The following SPECC1 variants were observed in gnomAD, a reference collection of about 807,000 sequenced individuals.
SPECC1 encodes the protein cytospin-B.
In SPECC1, 62 loss-of-function variants were observed where a neutral mutation model predicts 104.1. The ratio of observed to expected loss-of-function variants is 0.60; its 90% CI spans 0.49 to 0.74. The LOEUF is 0.74. Among genes scored for constraint, SPECC1 ranks in the 30% least tolerant of loss-of-function variants. The pLI is 0.00. For missense variants in SPECC1, 1,306 were observed against 1,310.5 expected, an observed-to-expected ratio of 1.00 and a Z score of 0.05; for synonymous variants, 513 against 501.6, an observed-to-expected ratio of 1.02 and a Z score of -0.30.
chr17:20,060,157 G>A (rs374262322), intron 1 of SPECC1, among the ~76,000 whole-genome samples: 3 of 152,048 alleles, frequency 2.0e-5, no homozygotes, highest in African/African-American at 7.3e-5. Context: ...GGCCTCTGAA[G>A]AGTGCAGCTT....
chr17:20,279,475 A>T (rs1428318985), intron 12 of SPECC1, among the ~76,000 whole-genome samples: 1 of 151,868 alleles, frequency 6.6e-6, no homozygotes, highest in Non-Finnish European at 1.5e-5. Flanking sequence ...GGCATGCGCC[A>T]CCATGCCCGG....
At chr17:20,260,438 G>A in intron 12 of SPECC1, 144 bp downstream of exon 12, 1 of 688,672 alleles carries the variant, frequency 1.5e-6, no homozygotes, top group Non-Finnish European at 2.3e-6. Flanking sequence ...GGCTGCCAGG[G>A]AATGTTTGAT....
At chr17:20,100,613 CCTGA>C (rs1240799909) in intron 2 of SPECC1, among the ~76,000 whole-genome samples, 2 of 152,080 alleles carry the variant, frequency 1.3e-5, no homozygotes, top group Non-Finnish European at 1.5e-5. Flanking sequence ...GAACTGAATA[CCTGA>C]CTTTCTTTTT....
rs2045936212 is a variant in SPECC1, at chr17:20,055,688, A to T, written c.-21-40943A>T. On this transcript the variant is annotated intron_variant, in intron 1 of 14. Coordinates refer to ENST00000395527, the MANE Select transcript of SPECC1 (RefSeq NM_001243439.2). Reference sequence around the variant, plus strand: ...CTTCACTCTCTAGCCATTGTTTTTCACTAAAGGCAGTGAAGAGTCTTTGGG... The same window carrying T: ...CTTCACTCTCTAGCCATTGTTTTTCTCTAAAGGCAGTGAAGAGTCTTTGGG... Among the ~76,000 whole-genome samples the T allele has an allele frequency of 2.6e-5, 4 of 152,194 alleles. 1 individual carries two copies. The South Asian group carries it at 8.3e-4, about 31-fold the overall frequency.
At chr17:20,278,574 CACACCTGT>C (rs1164380017) in intron 12 of SPECC1, among the ~76,000 whole-genome samples, 1 of 152,188 alleles carries the variant, frequency 6.6e-6, no homozygotes, top group Non-Finnish European at 1.5e-5. Context: ...CACAGTAGCT[CACACCTGT>C]AATGTCAACA....
chr17:20,277,735 T>G (rs2040620733), intron 12 of SPECC1, among the ~76,000 whole-genome samples: 2 of 152,202 alleles, frequency 1.3e-5, no homozygotes, highest in Non-Finnish European at 2.9e-5. Flanking sequence ...GGTAGGGGAC[T>G]CCATATTCCC....
intron 7 of SPECC1, among the ~76,000 whole-genome samples, chr17:20,245,539 C>T (rs1699774547): frequency 6.6e-6 from 1 of 152,096 alleles, no homozygotes; most frequent in Non-Finnish European, 1.5e-5. Flanking sequence ...GGGGTTGGAG[C>T]ACATGTCGGC....
intron 12 of SPECC1, among the ~76,000 whole-genome samples, chr17:20,263,867 A>G (rs2040119306): frequency 6.6e-6 from 1 of 151,910 alleles, no homozygotes; most frequent in Non-Finnish European, 1.5e-5. Context: ...CAAGAACACT[A>G]TTTCCTGCTG....
At chr17:20,301,483 TAAAATC>T (rs2041582181) in intron 13 of SPECC1, among the ~76,000 whole-genome samples, 2 of 152,084 alleles carry the variant, frequency 1.3e-5, no homozygotes, top group South Asian at 2.1e-4. Flanking sequence ...GTAAAACTAT[TAAAATC>T]AAAATCTAAA....
intron 12 of SPECC1, among the ~76,000 whole-genome samples, chr17:20,278,721 T>C (rs555495706): frequency 5.5e-4 from 80 of 146,024 alleles, no homozygotes; most frequent in Admixed American, 1.6e-3. Context: ...CTCTCTCTCT[T>C]TTTTTTTTTA....
intron 1 of SPECC1, among the ~76,000 whole-genome samples, chr17:20,093,460 C>G (rs1339526874): frequency 6.6e-6 from 1 of 152,176 alleles, no homozygotes; most frequent in Non-Finnish European, 1.5e-5. Context: ...GAGCATTTAG[C>G]AGTGCTTTGC....
intron 1 of SPECC1, among the ~76,000 whole-genome samples, chr17:20,060,908 G>T (rs2048107336): frequency 6.6e-6 from 1 of 152,208 alleles, no homozygotes; most frequent in African/African-American, 2.4e-5. Flanking sequence ...AATATATTGT[G>T]TAAAAGCAGT....
At chr17:20,131,723 C>T (rs773432234) in intron 3 of SPECC1, among the ~76,000 whole-genome samples, 2 of 148,934 alleles carry the variant, frequency 1.3e-5, no homozygotes, top group African/African-American at 2.5e-5. Flanking sequence ...AATTTCGGCT[C>T]ACTGCAACCT....
At chr17:20,313,039 C>G (rs1567627991) in intron 14 of SPECC1, among the ~76,000 whole-genome samples, 2 of 152,152 alleles carry the variant, frequency 1.3e-5, no homozygotes, top group Admixed American at 6.5e-5. Flanking sequence ...AATTCAATCC[C>G]AAAGTTAATT....
chr17:20,119,080 G>A (rs1030790982), intron 3 of SPECC1, among the ~76,000 whole-genome samples: 2 of 152,188 alleles, frequency 1.3e-5, no homozygotes, highest in African/African-American at 4.8e-5. Context: ...AAAAAGGTCT[G>A]TGAATAATTT....
chr17:20,088,260 A>G (rs897799026), intron 1 of SPECC1, among the ~76,000 whole-genome samples: 1 of 152,176 alleles, frequency 6.6e-6, no homozygotes, highest in South Asian at 2.1e-4. Context: ...ATTTTAGTGA[A>G]AAAAAGTCAC....
intron 2 of SPECC1, among the ~76,000 whole-genome samples, chr17:20,101,620 A>G (rs1040917736): frequency 3.3e-5 from 5 of 152,184 alleles, no homozygotes; most frequent in Admixed American, 1.3e-4. Context: ...GCCCAGAAAG[A>G]AGAGAACCTG....
In SPECC1 at chr17:20,105,487, A is replaced by G. The variant is rs566637995; in HGVS notation, c.148-4940A>G. On this transcript the variant is annotated intron_variant, in intron 2 of 14. Transcript: ENST00000395527. Reference sequence around the variant, plus strand: ...CCTGTGTGATTGCAGGGAACCTCCTATATAGAGATCCCAGATCCCAAGTCT... The same window carrying G: ...CCTGTGTGATTGCAGGGAACCTCCTGTATAGAGATCCCAGATCCCAAGTCT... Among the ~76,000 whole-genome samples, 41 of 152,192 alleles carry G rather than the reference A, an allele frequency of 2.7e-4. No individual in the cohort carries two copies. In the South Asian group the frequency reaches 8.3e-3, roughly 31 times the overall value.
At chr17:20,112,619 G>GGA in intron 3 of SPECC1, 2 of 877,558 alleles carry the variant, frequency 2.3e-6, no homozygotes, top group Non-Finnish European at 3.9e-6. Flanking sequence ...TGATCTCTCT[G>GGA]GATCAGTGCT....
Sources: gnomAD v4.1 joint callset for allele counts (sites outside exome capture counted in the v4.1 genomes callset) on GRCh38, gnomAD v4.1.1 for gene constraint, MANE v1.5 for transcripts, NCBI Gene and HGNC (gene_info 2026-07-23, HGNC 2026-07-21) for gene names.